Variants in COL6A5 observed in about 807,000 individuals in gnomAD.
COL6A5 encodes collagen alpha-5(VI) chain.
Under a neutral mutation model 65.6 loss-of-function variants are expected in COL6A5, and 48 were observed. The ratio of observed to expected loss-of-function variants is 0.73; its 90% CI spans 0.58 to 0.93. COL6A5 has a LOEUF of 0.93. COL6A5 is among the 40% of genes least tolerant of loss of function. COL6A5 has a pLI of 0.00. For missense variants in COL6A5, 914 were observed against 928.3 expected (o/e 0.98, Z 0.20); for synonymous variants, 291 against 322.8 (o/e 0.90, Z 1.05).
At chr3:130,439,639 CTG>C (rs1709126660) in intron 2 of COL6A5, 24 bp downstream of exon 34, 2 of 1,508,688 alleles carry the variant, frequency 1.3e-6, no homozygotes, top group Non-Finnish European at 1.8e-6. Flanking sequence ...AGAGAATTGA[CTG>C]TGCTGAAGAG....
chr3:130,398,814 T>A (rs570629832), intron 10 of COL6A5, among the ~76,000 whole-genome samples: 3 of 152,306 alleles, frequency 2.0e-5, no homozygotes, highest in South Asian at 4.2e-4. Flanking sequence ...GAGTCCCTCA[T>A]GAATCAGGCA....
chr3:130,392,117 G>A (rs1936424753), intron 7 of COL6A5, among the ~76,000 whole-genome samples: 1 of 152,146 alleles, frequency 6.6e-6, no homozygotes, highest in Admixed American at 6.5e-5. Flanking sequence ...TGCAGCCACT[G>A]GACATCAGTT....
chr3:130,447,195 A>G (rs1171371665), intron 4 of COL6A5, among the ~76,000 whole-genome samples: 1 of 152,166 alleles, frequency 6.6e-6, no homozygotes. Context: ...GTTTTTTAAC[A>G]TGGGTCATGC....
chr3:130,430,397 T>C (rs904383227), upstream of COL6A5, among the ~76,000 whole-genome samples: 1 of 152,224 alleles, frequency 6.6e-6, no homozygotes, highest in African/African-American at 2.4e-5. Flanking sequence ...TCTATTTTTA[T>C]TTCTAAGAAC....
At chr3:130,471,411 G>T (rs766221313) in intron 7 of COL6A5, among the ~76,000 whole-genome samples, 16 of 152,058 alleles carry the variant, frequency 1.1e-4, no homozygotes, top group Non-Finnish European at 1.5e-4. Flanking sequence ...TTTCAAGTTT[G>T]ATTTTACAAA....
intron 7 of COL6A5, among the ~76,000 whole-genome samples, chr3:130,475,023 A>G (rs938703009): frequency 3.4e-4 from 32 of 93,812 alleles, no homozygotes; most frequent in African/African-American, 7.7e-4. Context: ...AAAAAAAAAA[A>G]AAAAAAAGGA....
At chr3:130,478,773 G>GT (rs1460569181) in intron 7 of COL6A5, among the ~76,000 whole-genome samples, 1 of 151,992 alleles carries the variant, frequency 6.6e-6, no homozygotes, top group East Asian at 1.9e-4. Flanking sequence ...ATAAACCCAA[G>GT]TAAGGCTTCA....
chr3:130,384,999 A>T, exon 5 of COL6A5: 3 of 1,550,808 alleles, frequency 1.9e-6, no homozygotes, highest in Non-Finnish European at 2.6e-6. Flanking sequence ...ATCACTGACT[A>T]TTCTAATGAT....
At position 130,453,204 on chromosome 3, in the gene COL6A5, A is replaced by G. The variant is rs370359705; in HGVS notation, c.1333-2251A>G. On this transcript the variant is annotated intron_variant, in intron 4 of 7. Transcript: ENST00000512836. ...GTAAAGACAGGCATAGGAAATCACAAGAGTATTGATTGGGGAAGTGATAAG... is the reference window on the plus strand; with the variant it reads ...GTAAAGACAGGCATAGGAAATCACAGGAGTATTGATTGGGGAAGTGATAAG... Among the ~76,000 whole-genome samples the G allele has an allele frequency of 1.1e-4, 17 of 152,298 alleles. No individual in the cohort carries two copies. The East Asian group carries it at 2.5e-3, about 23-fold the overall frequency.
At chr3:130,458,735 C>T (rs1168810949) in intron 5 of COL6A5, among the ~76,000 whole-genome samples, 2 of 152,056 alleles carry the variant, frequency 1.3e-5, no homozygotes, top group African/African-American at 4.8e-5. Context: ...CAAGAACATC[C>T]ATCTATCCAT....
exon 7 of COL6A5, chr3:130,391,635 A>T: frequency 6.4e-7 from 1 of 1,551,662 alleles, no homozygotes; most frequent in South Asian, 1.2e-5. Flanking sequence ...AAGGCCAACC[A>T]AAAGGAACTT....
chr3:130,394,882 T>C lies in COL6A5; in HGVS notation c.2993-8T>C, dbSNP rs933629509. The stretch of plus-strand genomic sequence containing the variant: ...GAGGAAAATAATTTATTCTTTTTTC[T>C]ATTGCAGTCTGTCATCTTCAGGAAG... On this transcript the variant is annotated splice_region_variant and splice_polypyrimidine_tract_variant and intron_variant and NMD_transcript_variant, in intron 7 of 41. Coordinates refer to the COL6A5 transcript ENST00000312481. 3.9e-6 allele frequency: 6 copies of C among 1,538,274 alleles called. No homozygotes were observed. Among genetic ancestry groups the C allele is most frequent in the Non-Finnish European group, 5.3e-6 (6 of 1,141,606 alleles).
intron 4 of COL6A5, among the ~76,000 whole-genome samples, chr3:130,445,646 TG>T (rs1709287062): frequency 6.6e-6 from 1 of 152,098 alleles, no homozygotes; most frequent in Non-Finnish European, 1.5e-5. Context: ...GGGCTCAGAA[TG>T]GGGAGTATCA....
exon 7 of COL6A5, chr3:130,391,443 C>A (rs1458159895): frequency 3.2e-6 from 5 of 1,551,696 alleles, no homozygotes; most frequent in Non-Finnish European, 4.4e-6. Context: ...ACCTACACTG[C>A]CAAGGCTCTC....
chr3:130,401,148 T>C, exon 11 of COL6A5: 3 of 1,545,314 alleles, frequency 1.9e-6, no homozygotes, highest in Non-Finnish European at 1.7e-6. Flanking sequence ...ATGAGAGAAC[T>C]GGGCAAAAAA....
rs370744608 is a variant in COL6A5, at chr3:130,440,657, C to T, written c.1075C>T (p.Gln359Ter). 41 of 1,613,342 alleles carry T rather than the reference C, an allele frequency of 2.5e-5. No homozygotes were observed. The highest frequency in any genetic ancestry group is 3.3e-5 in the Non-Finnish European group (39 of 1,179,698). ...AATGATGGCTTTGAGGGCTAAGTGTCAAGGCTACGTCATATTTGTGATTTC... is the reference window on the plus strand; with the variant it reads ...AATGATGGCTTTGAGGGCTAAGTGTTAAGGCTACGTCATATTTGTGATTTC... The change falls in exon 3 of 8, where the codon CAA (glutamine) becomes TAA (stop). Residue 359 changes from glutamine to a stop codon, truncating the protein, a stop_gained. Transcript: ENST00000512836. LOFTEE classifies it high-confidence loss of function.
intron 19 of COL6A5, among the ~76,000 whole-genome samples, 179 bp downstream of exon 19, chr3:130,410,253 A>C (rs1937132056): frequency 1.3e-5 from 2 of 150,036 alleles, no homozygotes; most frequent in Admixed American, 1.3e-4. Flanking sequence ...AAAATTATGA[A>C]GTTTCTGGCA....
chr3:130,359,958 C>T (rs1317690254), intron 1 of COL6A5, among the ~76,000 whole-genome samples: 4 of 151,906 alleles, frequency 2.6e-5, no homozygotes, highest in Non-Finnish European at 4.4e-5. Flanking sequence ...AAAAATTCTA[C>T]TTTTGAATTG....
chr3:130,423,119 G>A (rs931479692), intron 28 of COL6A5, among the ~76,000 whole-genome samples: 3 of 152,014 alleles, frequency 2.0e-5, no homozygotes, highest in African/African-American at 7.2e-5. Context: ...TATTAACCCT[G>A]TGAGTGGAAA....
Sources: allele counts gnomAD v4.1 joint callset (sites outside exome capture counted in the v4.1 genomes callset), GRCh38; gene constraint gnomAD v4.1.1; transcripts MANE v1.5; gene names NCBI Gene and HGNC (gene_info 2026-07-23, HGNC 2026-07-21).